Variants in FGF2 observed in about 807,000 individuals in gnomAD.
FGF2 encodes basic fibroblast growth factor bFGF.
In FGF2, 13 loss-of-function variants were observed where a neutral mutation model predicts 15.9. That is an observed-to-expected ratio of 0.82 (90% confidence interval 0.53 to 1.30). The LOEUF is 1.30. FGF2 is among the 50% of genes most tolerant of loss of function. The probability of loss-of-function intolerance (pLI) is 0.00; values close to 1 mark genes in which losing one functional copy is unlikely to be tolerated. For missense variants in FGF2, 163 were observed against 196.9 expected, an observed-to-expected ratio of 0.83 and a Z score of 1.03; for synonymous variants, 90 against 78.4, an observed-to-expected ratio of 1.15 and a Z score of -0.78.
At chr4:122,840,512 G>C (rs2150765731) in intron 1 of FGF2, 1 of 152,782 alleles carries the variant, frequency 6.5e-6, no homozygotes, top group East Asian at 1.9e-4. Flanking sequence ...TCCAAAGCGA[G>C]TGTCTTTGAC....
upstream of FGF2, chr4:122,826,763 G>A (rs747108386): frequency 1.5e-6 from 2 of 1,323,102 alleles, no homozygotes; most frequent in Non-Finnish European, 2.0e-6. Context: ...AGGAGAACTG[G>A]GGGCGCGGGA....
chr4:122,887,590 T>G (rs1036281183), intron 2 of FGF2, among the ~76,000 whole-genome samples: 1 of 152,218 alleles, frequency 6.6e-6, no homozygotes, highest in Non-Finnish European at 1.5e-5. Flanking sequence ...AAGTGTTGAT[T>G]ATGCTTTTTC....
chr4:122,889,976 G>A (rs1448483309), intron 2 of FGF2: 2 of 151,988 alleles, frequency 1.3e-5, no homozygotes, highest in Non-Finnish European at 2.9e-5. Flanking sequence ...TTTACCTCTG[G>A]GGAATCAGTC....
At chr4:122,845,547 G>T (rs1183083788) in intron 1 of FGF2, among the ~76,000 whole-genome samples, 1 of 152,222 alleles carries the variant, frequency 6.6e-6, no homozygotes, top group African/African-American at 2.4e-5. Flanking sequence ...ATCTTAGCTA[G>T]ATCTTCTAGA....
rs1726948583 is a variant in FGF2, at chr4:122,880,909, A to G, written c.282+4485A>G. ...CTCCATGAGGGCCCCAACCCTGCGCAAACTTCTGCCTGGGCATCCAGGCAT... is the reference window on the plus strand; with the variant it reads ...CTCCATGAGGGCCCCAACCCTGCGCGAACTTCTGCCTGGGCATCCAGGCAT... On this transcript the variant is annotated intron_variant, in intron 2 of 2. Coordinates refer to ENST00000644866, the MANE Select transcript of FGF2 (RefSeq NM_001361665.2). Among the ~76,000 whole-genome samples, 3 of 152,182 alleles carry G rather than the reference A, an allele frequency of 2.0e-5. No homozygotes were observed. In the South Asian group the frequency reaches 6.2e-4, roughly 31 times the overall value.
intron 1 of FGF2, among the ~76,000 whole-genome samples, chr4:122,869,596 C>T (rs148197522): frequency 3.9e-5 from 6 of 152,188 alleles, no homozygotes; most frequent in East Asian, 3.9e-4. Flanking sequence ...CTCTTTGTAA[C>T]GATTGTGAAC....
chr4:122,892,226 G>A lies in FGF2; in HGVS notation c.298G>A (p.Glu100Lys). The A allele has an allele frequency of 6.2e-7, 1 of 1,612,262 alleles. No homozygotes were observed. Among genetic ancestry groups the A allele is most frequent in the Admixed American group, 1.7e-5 (1 of 60,024 alleles). Reference sequence around the variant, plus strand: ...TATTTTTCAGAAATGTGTTACGGATGAGTGTTTCTTTTTTGAACGATTGGA... The same window carrying A: ...TATTTTTCAGAAATGTGTTACGGATAAGTGTTTCTTTTTTGAACGATTGGA... The part of the protein sequence containing the change: ...RLLASKCVTD[E>K]CFFFERLESN... Residue 100 changes from glutamate (E) to lysine (K), a missense_variant, in exon 3 of 3, where the codon GAG becomes AAG. Glu to Lys is a moderately conservative substitution (Grantham distance 56, BLOSUM62 1). Coordinates refer to ENST00000644866, the MANE Select transcript of FGF2 (RefSeq NM_001361665.2).
At chr4:122,833,203 A>G (rs367331) in intron 1 of FGF2, among the ~76,000 whole-genome samples, 3,767 of 132,274 alleles carry the variant, frequency 0.028, 163 homozygotes, top group African/African-American at 0.1. Flanking sequence ...GTGTGTGTGT[A>G]TGTGTGTATT....
At chr4:122,833,778 C>CT (rs1326902526) in intron 1 of FGF2, among the ~76,000 whole-genome samples, 3 of 152,082 alleles carry the variant, frequency 2.0e-5, no homozygotes, top group Non-Finnish European at 4.4e-5. Context: ...GTCTTGACAT[C>CT]TGTGTTTAGA....
At position 122,893,388 on chromosome 4, in the gene FGF2, C is replaced by G. The variant is rs1727250649; in HGVS notation, c.*992C>G. The G allele has an allele frequency of 1.7e-6, 1 of 572,216 alleles. No individual in the cohort carries two copies. Among genetic ancestry groups the G allele is most frequent in the Non-Finnish European group, 2.8e-6 (1 of 359,018 alleles). 35.4% of individuals were successfully genotyped at this position (572,216 alleles called of 1,614,324 possible). A position where few individuals can be genotyped will look rare whatever the true frequency, so the allele number is the denominator to read the frequency against. ...CTTTGCCTTGTGGATATCAAGAAAT[C>G]CCAAAATATTTTCTTACCACTGTAA... On this transcript the variant is annotated 3_prime_UTR_variant, in exon 3 of 3. Transcript: ENST00000644866.
Position 122,897,363 on chromosome 4 carries a change from G to T in FGF2, c.*4967G>T. Reference sequence around the variant, plus strand: ...GTATATCCAAAGCTTCTCATTTTCAGACAGATTAATCCAGAAGCAGTCATA... The same window carrying T: ...GTATATCCAAAGCTTCTCATTTTCATACAGATTAATCCAGAAGCAGTCATA... On this transcript the variant is annotated 3_prime_UTR_variant, in exon 3 of 3. Coordinates refer to ENST00000644866, the MANE Select transcript of FGF2 (RefSeq NM_001361665.2). 1 of 430,146 alleles carries T rather than the reference G, an allele frequency of 2.3e-6. No homozygotes were observed. Among genetic ancestry groups the T allele is most frequent in the Non-Finnish European group, 4.2e-6 (1 of 240,162 alleles). 26.6% of individuals were successfully genotyped at this position (430,146 alleles called of 1,614,324 possible).
At position 122,847,872 on chromosome 4, in the gene FGF2, C is replaced by T. The variant is rs75577484; in HGVS notation, c.178+20520C>T. Among the ~76,000 whole-genome samples the T allele has an allele frequency of 4.9e-3, 739 of 152,234 alleles. 6 individuals carry two copies. The highest frequency in any genetic ancestry group is 0.017 in the African/African-American group (713 of 41,532). ...AGGCCTTCAACTGATTTGATGTGGG[C>T]CCCCCACAATATGGAGGGCAATCTA... On this transcript the variant is annotated intron_variant, in intron 1 of 2. Coordinates refer to ENST00000644866, the MANE Select transcript of FGF2 (RefSeq NM_001361665.2).
intron 1 of FGF2, among the ~76,000 whole-genome samples, chr4:122,859,653 T>TAA (rs544187075): frequency 6.7e-6 from 1 of 149,668 alleles, no homozygotes; most frequent in African/African-American, 2.5e-5. Context: ...CATATGTATA[T>TAA]ACACACACAC....
In FGF2 at chr4:122,893,544, T is replaced by G; in HGVS notation, c.*1148T>G. ...TTTCCCAAAAGGTAAAAATATAGAT[T>G]GAAAAGTTAAAACATTTTGCATGGC... On this transcript the variant is annotated 3_prime_UTR_variant, in exon 3 of 3. Coordinates refer to ENST00000644866, the MANE Select transcript of FGF2 (RefSeq NM_001361665.2). 1 of 213,614 alleles carries G rather than the reference T, an allele frequency of 4.7e-6. No individual in the cohort carries two copies. Among genetic ancestry groups the G allele is most frequent in the Non-Finnish European group, 9.1e-6 (1 of 109,304 alleles). The allele number at this position is 213,614 out of a possible 1,614,324, so 13.2% of individuals were successfully genotyped here.
In FGF2 at chr4:122,896,274, A is replaced by G. The variant is rs989746114; in HGVS notation, c.*3878A>G. The G allele has an allele frequency of 6.6e-6, 1 of 152,492 alleles. No homozygotes were observed. The highest frequency in any genetic ancestry group is 1.5e-5 in the Non-Finnish European group (1 of 68,022). 9.4% of individuals were successfully genotyped at this position (152,492 alleles called of 1,614,324 possible). A position where few individuals can be genotyped will look rare whatever the true frequency, so the allele number is the denominator to read the frequency against. On this transcript the variant is annotated 3_prime_UTR_variant, in exon 3 of 3. Coordinates refer to ENST00000644866, the MANE Select transcript of FGF2 (RefSeq NM_001361665.2). Reference sequence around the variant, plus strand: ...AGTATACTTAGGCCTGAAATTATATATATTTGGCTTGGAAATGTGTTTTTC... The same window carrying G: ...AGTATACTTAGGCCTGAAATTATATGTATTTGGCTTGGAAATGTGTTTTTC...
chr4:122,833,903 T>G (rs927577616), intron 1 of FGF2, among the ~76,000 whole-genome samples: 12 of 152,244 alleles, frequency 7.9e-5, no homozygotes, highest in Admixed American at 6.5e-4. Context: ...TAGAGAAAGA[T>G]GAATCATTTT....
At chr4:122,889,354 C>G (rs576780042) in intron 2 of FGF2, among the ~76,000 whole-genome samples, 1 of 152,150 alleles carries the variant, frequency 6.6e-6, no homozygotes, top group East Asian at 1.9e-4. Context: ...TCTGAAGACC[C>G]CTTTTTATCC....
At position 122,826,845 on chromosome 4, in the gene FGF2, C is replaced by A; in HGVS notation, c.-330C>A. The A allele has an allele frequency of 6.7e-7, 1 of 1,491,302 alleles. No homozygotes were observed. Among genetic ancestry groups the A allele is most frequent in the Non-Finnish European group, 9.0e-7 (1 of 1,116,900 alleles). 92.4% of individuals were successfully genotyped at this position (1,491,302 alleles called of 1,614,324 possible). A position where few individuals can be genotyped will look rare whatever the true frequency, so the allele number is the denominator to read the frequency against. On this transcript the variant is annotated 5_prime_UTR_variant, in exon 1 of 3. Coordinates refer to ENST00000644866, the MANE Select transcript of FGF2 (RefSeq NM_001361665.2). ...GCCCGGCGGGTGCCAGATTAGCGGA[C>A]GCGGTGCCCGCGGTTGCAACGGGAT...
chr4:122,892,485 T>A lies in FGF2; in HGVS notation c.*89T>A. 1 of 1,587,814 alleles carries A rather than the reference T, an allele frequency of 6.3e-7. No homozygotes were observed. ...ATGAGAGTAAAAGAAAATAAATGTG[T>A]ATAGCTCAGTTTGGATAATTGGTCA... On this transcript the variant is annotated 3_prime_UTR_variant, in exon 3 of 3. Coordinates refer to ENST00000644866, the MANE Select transcript of FGF2 (RefSeq NM_001361665.2).
Sources: allele counts gnomAD v4.1 joint callset (sites outside exome capture counted in the v4.1 genomes callset), GRCh38; gene constraint gnomAD v4.1.1; transcripts MANE v1.5; gene names NCBI Gene and HGNC (gene_info 2026-07-23, HGNC 2026-07-21).